The following SYN3 variants were observed in gnomAD, a reference collection of about 807,000 sequenced individuals.
SYN3 encodes the protein synapsin-3.
A neutral mutation model predicts 65.8 loss-of-function variants in SYN3; 35 were observed. The observed-to-expected ratio is 0.53, with a 90% CI of 0.41 to 0.70. The LOEUF (loss-of-function observed/expected upper bound fraction) is 0.70. Ranked by LOEUF, SYN3 falls within the 30% of genes least tolerant of loss-of-function variation. The probability of loss-of-function intolerance (pLI) is 0.00; values close to 1 mark genes in which losing one functional copy is unlikely to be tolerated. For missense variants in SYN3, 680 were observed against 749.0 expected, an observed-to-expected ratio of 0.91 and a Z score of 1.08; for synonymous variants, 270 against 292.9, an observed-to-expected ratio of 0.92 and a Z score of 0.80.
chr22:32,650,427 T>C (rs2060052798), intron 6 of SYN3, among the ~76,000 whole-genome samples: 1 of 151,838 alleles, frequency 6.6e-6, no homozygotes, highest in South Asian at 2.1e-4. Flanking sequence ...CCTCCATGCC[T>C]GGCTAATTTT....
At chr22:32,994,392 G>A (rs1036188053) in intron 2 of SYN3, among the ~76,000 whole-genome samples, 8 of 152,058 alleles carry the variant, frequency 5.3e-5, no homozygotes, top group African/African-American at 1.7e-4. Flanking sequence ...GTGTTGGGTG[G>A]TGTGTTTGAG....
At chr22:32,844,807 C>T (rs2048015093) in intron 6 of SYN3, among the ~76,000 whole-genome samples, 1 of 151,836 alleles carries the variant, frequency 6.6e-6, no homozygotes, top group South Asian at 2.1e-4. Flanking sequence ...AACTCCTGGG[C>T]TCAAGCAATC....
chr22:32,584,607 C>G (rs187093988), intron 7 of SYN3, among the ~76,000 whole-genome samples: 360 of 152,246 alleles, frequency 2.4e-3, no homozygotes, highest in African/African-American at 8.1e-3. Flanking sequence ...TGGAGGGGTC[C>G]TCTGCATCAG....
intron 4 of SYN3, among the ~76,000 whole-genome samples, chr22:32,928,215 A>G (rs1159968842): frequency 6.6e-6 from 1 of 152,186 alleles, no homozygotes; most frequent in African/African-American, 2.4e-5. Flanking sequence ...CTGTAGTCCC[A>G]GCTACTTGGG....
intron 1 of SYN3, among the ~76,000 whole-genome samples, chr22:33,027,637 CAG>C (rs1556196417): frequency 2.7e-5 from 4 of 149,608 alleles, no homozygotes; most frequent in Admixed American, 6.7e-5. Context: ...GACAGACAGA[CAG>C]AGAGAGAGAG....
chr22:32,924,361 T>C (rs1250590450), intron 4 of SYN3, among the ~76,000 whole-genome samples: 1 of 152,040 alleles, frequency 6.6e-6, no homozygotes, highest in Non-Finnish European at 1.5e-5. Context: ...CTGGCTGAGA[T>C]TGTAAGCACC....
chr22:32,738,269 G>T (rs754331837), intron 6 of SYN3, among the ~76,000 whole-genome samples: 7 of 152,148 alleles, frequency 4.6e-5, no homozygotes, highest in Non-Finnish European at 1.0e-4. Context: ...AGCCCTAAGC[G>T]ACTCTACTAC....
rs148186942 is a variant in SYN3, at chr22:32,523,373, T to C, written c.1318+4545A>G. On this transcript the variant is annotated intron_variant, in intron 12 of 13. Coordinates refer to ENST00000358763, the MANE Select transcript of SYN3 (RefSeq NM_003490.4). ...TGAAAATACAAAAAAATTAGCTGGG[T>C]GTGGTGGCATGCACCTGCAGTCCCA... 8.9e-4 allele frequency among the ~76,000 whole-genome samples: 136 copies of C among 152,102 alleles called. 1 individual carries two copies. Among genetic ancestry groups the C allele is most frequent in the African/African-American group, 2.6e-3 (108 of 41,500 alleles).
chr22:32,638,858 CT>C (rs564285574), intron 6 of SYN3, among the ~76,000 whole-genome samples: 74 of 152,154 alleles, frequency 4.9e-4, no homozygotes, highest in South Asian at 1.0e-3. Flanking sequence ...GTTGCAATTG[CT>C]TTTTAGGACT....
intron 6 of SYN3, among the ~76,000 whole-genome samples, chr22:32,634,789 G>A (rs60022533): frequency 0.19 from 29,135 of 152,144 alleles, 6,253 homozygotes; most frequent in African/African-American, 0.53. Context: ...GGCCACCTCT[G>A]CCTTCCCACC....
chr22:32,681,229 C>T (rs1051870197), intron 6 of SYN3, among the ~76,000 whole-genome samples: 6 of 129,994 alleles, frequency 4.6e-5, no homozygotes, highest in African/African-American at 1.3e-4. Flanking sequence ...TATTTGGCAA[C>T]GTCTGGAGAC....
At chr22:32,568,226 C>T (rs2058700011) in intron 7 of SYN3, among the ~76,000 whole-genome samples, 1 of 152,174 alleles carries the variant, frequency 6.6e-6, no homozygotes, top group Admixed American at 6.5e-5. Context: ...TCTCCTTGCT[C>T]CTCTACCTAA....
chr22:32,613,715 T>C (rs886960204), intron 6 of SYN3, among the ~76,000 whole-genome samples: 5 of 152,180 alleles, frequency 3.3e-5, no homozygotes, highest in Non-Finnish European at 5.9e-5. Context: ...GTTGTTACCA[T>C]TATCATTATT....
At chr22:33,021,231 T>C (rs747939891) in intron 1 of SYN3, among the ~76,000 whole-genome samples, 1 of 152,212 alleles carries the variant, frequency 6.6e-6, no homozygotes, top group Non-Finnish European at 1.5e-5. Context: ...GGGATACCAA[T>C]ACCCTGCCCT....
At chr22:32,877,639 G>T (rs1459350023) in intron 4 of SYN3, among the ~76,000 whole-genome samples, 2 of 152,150 alleles carry the variant, frequency 1.3e-5, no homozygotes, top group Non-Finnish European at 2.9e-5. Context: ...TGCTAGAGAA[G>T]CCCTGCTGCA....
chr22:32,835,950 C>T (rs1275258171), intron 6 of SYN3, among the ~76,000 whole-genome samples: 3 of 152,218 alleles, frequency 2.0e-5, no homozygotes, highest in African/African-American at 7.2e-5. Context: ...GCCCTTCTCT[C>T]ATAATTCAGT....
At chr22:32,907,592 A>G (rs2049936688) in intron 4 of SYN3, among the ~76,000 whole-genome samples, 3 of 152,190 alleles carry the variant, frequency 2.0e-5, no homozygotes, top group African/African-American at 7.2e-5. Context: ...AAAATTCACT[A>G]ATCAAGGGAA....
intron 7 of SYN3, among the ~76,000 whole-genome samples, chr22:32,560,080 G>A (rs1385204211): frequency 2.0e-5 from 3 of 152,258 alleles, no homozygotes. Flanking sequence ...GTGCTGGCAG[G>A]CCACTGCGCA....
chr22:32,863,766 G>C (rs888344432), intron 6 of SYN3, among the ~76,000 whole-genome samples: 1 of 152,192 alleles, frequency 6.6e-6, no homozygotes, highest in Non-Finnish European at 1.5e-5. Flanking sequence ...TTTACCTGAA[G>C]AAGTTGGGGC....
Sources: gnomAD v4.1 joint callset for allele counts (sites outside exome capture counted in the v4.1 genomes callset) on GRCh38, gnomAD v4.1.1 for gene constraint, MANE v1.5 for transcripts, NCBI Gene and HGNC (gene_info 2026-07-23, HGNC 2026-07-21) for gene names.